Variants in UBR1 observed in about 807,000 individuals in gnomAD.
The protein encoded by UBR1 is E3 ubiquitin-protein ligase UBR1.
Under a neutral mutation model 242.1 loss-of-function variants are expected in UBR1, and 102 were observed. The observed-to-expected ratio is 0.42, with a 90% CI of 0.36 to 0.50. The LOEUF is 0.50. UBR1 is among the 20% of genes least tolerant of loss of function. The probability of loss-of-function intolerance (pLI) is 0.01; values close to 1 mark genes in which losing one functional copy is unlikely to be tolerated. For synonymous variants in UBR1, 675 were observed against 684.8 expected (o/e 0.99, Z 0.22); for missense variants, 1,772 against 2,101.8 (o/e 0.84, Z 3.07).
intron 33 of UBR1, among the ~76,000 whole-genome samples, chr15:42,997,340 T>C (rs2032655803): frequency 6.6e-6 from 1 of 152,204 alleles, no homozygotes; most frequent in Non-Finnish European, 1.5e-5. Flanking sequence ...GTGAGTTATA[T>C]AATTATTTCG....
At chr15:42,980,860 C>T (rs1191761003) in intron 37 of UBR1, among the ~76,000 whole-genome samples, 1 of 152,132 alleles carries the variant, frequency 6.6e-6, no homozygotes, top group Non-Finnish European at 1.5e-5. Flanking sequence ...CCTTGGCTTC[C>T]TAAAGTTCTG....
rs191968824 is a variant in UBR1, at chr15:42,988,586, A to T, written c.3997+233T>A. On this transcript the variant is annotated intron_variant, in intron 35 of 46. Transcript: ENST00000290650. ...CATAATCCACCGTGCCCAGCTTTTT[A>T]AAAATATTTTTTTTAACTTATGTTG... 3.0e-3 allele frequency: 1,617 copies of T among 544,674 alleles called. 19 individuals are homozygous for T. Among genetic ancestry groups the T allele is most frequent in the African/African-American group, 0.028 (1,469 of 52,620 alleles). The allele number at this position is 544,674 out of a possible 1,614,324, so 33.7% of individuals were successfully genotyped here.
chr15:42,960,243 AG>A (rs1343580307), intron 43 of UBR1, among the ~76,000 whole-genome samples: 1 of 152,238 alleles, frequency 6.6e-6, no homozygotes, highest in African/African-American at 2.4e-5. Context: ...GGAAGGAAAA[AG>A]GATATAGTTC....
chr15:43,025,488 A>G, intron 23 of UBR1, 59 bp from the exon 24 acceptor site: 2 of 1,342,622 alleles, frequency 1.5e-6, no homozygotes, highest in South Asian at 2.4e-5. Context: ...AATGAAATAC[A>G]TTAAAGCAGT....
Position 42,945,375 on chromosome 15 carries a change from T to G in UBR1, c.5204A>C (p.Gln1735Pro). 6.2e-7 allele frequency: 1 copy of G among 1,614,202 alleles called. No individual in the cohort carries two copies. Among genetic ancestry groups the G allele is most frequent in the Non-Finnish European group, 8.5e-7 (1 of 1,180,032 alleles). Residue 1735 changes from glutamine to proline, a missense_variant, in exon 47 of 47, where the codon CAA (glutamine) becomes CCA (proline). Around this residue, in one of 3 missense-constraint regions of UBR1, gnomAD observed 965 missense variants for 1,079.7 expected, o/e 0.89. Transcript: ENST00000290650. ...TCCAAATAACATCTGATTAGTCTCT[T>G]GGCTCCTAGCAATCTCTTCTATAAT... is the stretch of plus-strand genomic sequence containing the variant. The part of the protein sequence containing the change: ...HCIIEEIARS[Q>P]ETNQMLFGFN...
chr15:43,097,589 T>C (rs1315989768), intron 1 of UBR1, among the ~76,000 whole-genome samples: 1 of 152,274 alleles, frequency 6.6e-6, no homozygotes, highest in African/African-American at 2.4e-5. Context: ...CTAGATCTTC[T>C]GCATAACTTG....
chr15:42,998,933 T>C (rs1451447835), intron 32 of UBR1, among the ~76,000 whole-genome samples: 2 of 137,918 alleles, frequency 1.5e-5, no homozygotes, highest in African/African-American at 2.5e-5. Context: ...ACTTGGAGCC[T>C]TTGCTTTTTT....
chr15:42,990,560 T>C (rs2032540227), intron 33 of UBR1, among the ~76,000 whole-genome samples: 3 of 152,240 alleles, frequency 2.0e-5, no homozygotes, highest in South Asian at 2.1e-4. Context: ...AGTTTCGCCA[T>C]CCAGATAACC....
intron 21 of UBR1, among the ~76,000 whole-genome samples, chr15:43,028,669 C>G (rs899245642): frequency 4.7e-5 from 7 of 150,130 alleles, no homozygotes; most frequent in African/African-American, 1.7e-4. Context: ...CACTTGAACA[C>G]AGGAGGCGGA....
intron 25 of UBR1, among the ~76,000 whole-genome samples, chr15:43,024,028 A>G (rs1309146629): frequency 6.6e-6 from 1 of 152,246 alleles, no homozygotes; most frequent in Non-Finnish European, 1.5e-5. Flanking sequence ...GAATAAGTAG[A>G]TCTATATGCA....
chr15:43,102,443 C>A (rs1350350061), intron 1 of UBR1, among the ~76,000 whole-genome samples: 2 of 152,132 alleles, frequency 1.3e-5, no homozygotes, highest in African/African-American at 2.4e-5. Context: ...AATTTGGGAA[C>A]TGAATACATA....
At chr15:43,074,872 T>C in intron 4 of UBR1, 107 bp downstream of exon 4, 1 of 957,038 alleles carries the variant, frequency 1.0e-6, no homozygotes, top group Non-Finnish European at 1.7e-6. Flanking sequence ...AATATGAGAA[T>C]AAAAACAGCA....
intron 2 of UBR1, among the ~76,000 whole-genome samples, chr15:43,084,919 C>G (rs1162777071): frequency 2.0e-5 from 3 of 152,224 alleles, no homozygotes; most frequent in African/African-American, 7.2e-5. Context: ...TAAACTAGCT[C>G]TAAGAAGGAA....
chr15:43,007,869 C>T (rs935846583), intron 29 of UBR1, among the ~76,000 whole-genome samples: 2 of 152,162 alleles, frequency 1.3e-5, no homozygotes, highest in African/African-American at 4.8e-5. Context: ...TATCCATTCC[C>T]TGTCATTAGG....
intron 23 of UBR1, chr15:43,026,044 C>A (rs976450967): frequency 6.2e-6 from 1 of 160,844 alleles, no homozygotes; most frequent in Non-Finnish European, 1.3e-5. Context: ...CCAGCCTGGA[C>A]AACATGGTGA....
At position 42,950,338 on chromosome 15, in the gene UBR1, C is replaced by T. The variant is rs2031812871; in HGVS notation, c.5032G>A (p.Val1678Ile). Residue 1678 changes from valine (V) to isoleucine (I), a missense_variant, in exon 46 of 47, where the codon GTT (valine) becomes ATT (isoleucine). This residue lies in a region of UBR1 where 965 missense variants were observed against 1,079.7 expected (regional missense o/e 0.89). Coordinates refer to ENST00000290650, the MANE Select transcript of UBR1 (RefSeq NM_174916.3). ...LKIRECRVVL[V>I]EGKARGCAYP... Reference sequence around the variant, plus strand: ...GCACAGCCTCTGGCTTTACCTTCAACCAGGACCACTCGGCATTCTCTGATT... The same window carrying T: ...GCACAGCCTCTGGCTTTACCTTCAATCAGGACCACTCGGCATTCTCTGATT... The T allele has an allele frequency of 6.2e-7, 1 of 1,614,026 alleles. No individual in the cohort carries two copies. The highest frequency in any genetic ancestry group is 1.3e-5 in the African/African-American group (1 of 74,914).
chr15:43,100,198 T>C (rs190067637), intron 1 of UBR1, among the ~76,000 whole-genome samples: 145 of 152,184 alleles, frequency 9.5e-4, no homozygotes, highest in African/African-American at 3.4e-3. Context: ...AACCTGGCTC[T>C]ACCATCACAA....
intron 44 of UBR1, among the ~76,000 whole-genome samples, chr15:42,954,345 C>G (rs956840298): frequency 6.6e-6 from 1 of 152,070 alleles, no homozygotes; most frequent in African/African-American, 2.4e-5. Context: ...AGTGACCCAA[C>G]CATTCCTTTA....
chr15:43,049,181 T>C (rs547245389), intron 12 of UBR1, among the ~76,000 whole-genome samples: 1 of 152,288 alleles, frequency 6.6e-6, no homozygotes, highest in South Asian at 2.1e-4. Flanking sequence ...GTTGGGAACA[T>C]AAACATGGAC....
Sources: gnomAD v4.1 joint callset for allele counts (sites outside exome capture counted in the v4.1 genomes callset) on GRCh38, gnomAD v4.1.1 for gene constraint, gnomAD v4.1.1 regional missense constraint, MANE v1.5 for transcripts, NCBI Gene and HGNC (gene_info 2026-07-23, HGNC 2026-07-21) for gene names.